MYBL2: variants seen among roughly 807,000 people sequenced by gnomAD.
MYBL2 encodes the protein MYB proto-oncogene like 2.
A neutral mutation model predicts 79.9 loss-of-function variants in MYBL2; 28 were observed. That is an observed-to-expected ratio of 0.35 (90% CI 0.26 to 0.48). The LOEUF (loss-of-function observed/expected upper bound fraction) is 0.48. Among genes scored for constraint, MYBL2 ranks in the 20% least tolerant of loss-of-function variants. MYBL2 has a pLI of 0.99. For synonymous variants in MYBL2, 378 were observed against 361.2 expected, an observed-to-expected ratio of 1.05 and a Z score of -0.53; for missense variants, 735 against 893.9, an observed-to-expected ratio of 0.82 and a Z score of 2.27.
At chr20:43,673,977 T>A in intron 2 of MYBL2, 78 bp downstream of exon 2, 1 of 1,241,012 alleles carries the variant, frequency 8.1e-7, no homozygotes, top group Non-Finnish European at 1.2e-6. Flanking sequence ...GTATTTGATG[T>A]CTCATCAGAT....
chr20:43,713,169 T>C, intron 12 of MYBL2, 63 bp downstream of exon 12: 1 of 1,433,260 alleles, frequency 7.0e-7, no homozygotes, highest in Admixed American at 1.9e-5. Flanking sequence ...GGAGTTAGTG[T>C]AGTGACTCTC....
At position 43,708,495 on chromosome 20, in the gene MYBL2, G is replaced by A. The variant is rs188331885; in HGVS notation, c.1506-1468G>A. On this transcript the variant is annotated intron_variant, in intron 9 of 13. Coordinates refer to ENST00000217026, the MANE Select transcript of MYBL2 (RefSeq NM_002466.4). ...GTCACCCGGGTTGGAGTGCAGTGGTGCAATCATGGCTCACTGCAGCCTTGA... is the reference window on the plus strand; with the variant it reads ...GTCACCCGGGTTGGAGTGCAGTGGTACAATCATGGCTCACTGCAGCCTTGA... Among the ~76,000 whole-genome samples, 189 of 152,170 alleles carry A rather than the reference G, an allele frequency of 1.2e-3. 1 individual carries two copies. Among genetic ancestry groups the A allele is most frequent in the African/African-American group, 4.5e-3 (186 of 41,504 alleles).
At chr20:43,681,413 A>G (rs1354335084) in intron 2 of MYBL2, among the ~76,000 whole-genome samples, 1 of 152,144 alleles carries the variant, frequency 6.6e-6, no homozygotes. Flanking sequence ...TCTGGCCCCT[A>G]TGGTTCCCTC....
At chr20:43,685,078 C>T (rs1381589002) in intron 4 of MYBL2, among the ~76,000 whole-genome samples, 8 of 146,432 alleles carry the variant, frequency 5.5e-5, no homozygotes, top group Non-Finnish European at 1.5e-5. Context: ...AGTGGGGAGG[C>T]GGAGGTTGCA....
At chr20:43,688,230 C>T (rs1164909295) in intron 5 of MYBL2, among the ~76,000 whole-genome samples, 1 of 151,586 alleles carries the variant, frequency 6.6e-6, no homozygotes, top group Non-Finnish European at 1.5e-5. Context: ...AGACCAGAGT[C>T]TCGCTCTGTC....
At position 43,686,871 on chromosome 20, in the gene MYBL2, A is replaced by C; in HGVS notation, c.299A>C (p.Lys100Thr). 1 of 1,614,182 alleles carries C rather than the reference A, an allele frequency of 6.2e-7. No homozygotes were observed. Among genetic ancestry groups the C allele is most frequent in the South Asian group, 1.1e-5 (1 of 91,082 alleles). ...TCTAAGGTCATCGAGCTGGTTAAGA[A>C]GTATGGCACAAAGCAGTGGACACTG... ...EDQKVIELVK[K>T]YGTKQWTLIA... is the part of the protein sequence containing the mutation. Residue 100 changes from lysine (K) to threonine (T), a missense_variant, in exon 5 of 14, where the codon AAG becomes ACG. Physicochemically the swap from Lys to Thr is moderately conservative, Grantham distance 78. This residue lies in a region of MYBL2 where 65 missense variants were observed against 145.2 expected (regional missense o/e 0.45). Coordinates refer to ENST00000217026, the MANE Select transcript of MYBL2 (RefSeq NM_002466.4).
At chr20:43,687,715 T>C (rs992311245) in intron 5 of MYBL2, among the ~76,000 whole-genome samples, 3 of 152,108 alleles carry the variant, frequency 2.0e-5, no homozygotes, top group Non-Finnish European at 2.9e-5. Context: ...ATGATAGTTA[T>C]TAAAATAATA....
chr20:43,688,713 G>C (rs1987336220), intron 5 of MYBL2, among the ~76,000 whole-genome samples: 1 of 152,278 alleles, frequency 6.6e-6, no homozygotes, highest in Middle Eastern at 3.4e-3. Flanking sequence ...AAAGTGCTGG[G>C]ATTACAGGCA....
chr20:43,696,434 T>G (rs1041385744), intron 6 of MYBL2, among the ~76,000 whole-genome samples: 2 of 101,500 alleles, frequency 2.0e-5, no homozygotes, highest in African/African-American at 7.0e-5. Flanking sequence ...TTGGTCAGGC[T>G]GGTCTCAAAC....
At position 43,713,006 on chromosome 20, in the gene MYBL2, G is replaced by A. The variant is rs138907287; in HGVS notation, c.1724G>A (p.Arg575Gln). ...PEKQKRKPGLRRSPIKKVRKS... is the reference protein window; with the variant it reads ...PEKQKRKPGLQRSPIKKVRKS... ...CTTCTATCTGCCAACCCCTAGCTGC[G>A]GCGGAGCCCCATCAAGAAAGTCCGG... is the stretch of plus-strand genomic sequence containing the variant. Residue 575 changes from arginine to glutamine, a missense_variant, in exon 12 of 14, where the codon CGG (arginine) becomes CAG (glutamine). Arg to Gln is a conservative substitution (Grantham distance 43, BLOSUM62 1). Around this residue, in one of 5 missense-constraint regions of MYBL2, gnomAD observed 204 missense variants for 202.9 expected, o/e 1.01. Transcript: ENST00000217026. 500 of 1,609,608 alleles carry A rather than the reference G, an allele frequency of 3.1e-4. No homozygotes were observed. The highest frequency in any genetic ancestry group is 3.9e-4 in the Non-Finnish European group (461 of 1,177,740).
chr20:43,667,127 G>C lies in MYBL2; in HGVS notation c.-157G>C. ...CGCGCCGGCGGCGACTGCAGTTCCT[G>C]CGAGCGAGGAGCGCGGGACCTGCTG... On this transcript the variant is annotated 5_prime_UTR_variant, in exon 1 of 14. Transcript: ENST00000217026. 3.1e-6 allele frequency: 1 copy of C among 321,460 alleles called. No homozygotes were observed. Among genetic ancestry groups the C allele is most frequent in the Non-Finnish European group, 5.2e-6 (1 of 191,266 alleles). The allele number at this position is 321,460 out of a possible 1,614,324, so 19.9% of individuals were successfully genotyped here. A position where few individuals can be genotyped will look rare whatever the true frequency, so the allele number is the denominator to read the frequency against.
Position 43,710,080 on chromosome 20 carries a change from T to C in MYBL2, c.1605+18T>C, listed in dbSNP as rs1350230176. The C allele has an allele frequency of 6.3e-7, 1 of 1,578,454 alleles. No individual in the cohort carries two copies. The highest frequency in any genetic ancestry group is 8.7e-7 in the Non-Finnish European group (1 of 1,155,366). Reference sequence around the variant, plus strand: ...AGCCCCTGGTACGTGGTGTGGTCGCTGCCGTGGATCTCTGCACAGTGGGAT... The same window carrying C: ...AGCCCCTGGTACGTGGTGTGGTCGCCGCCGTGGATCTCTGCACAGTGGGAT... On this transcript the variant is annotated intron_variant, in intron 10 of 13. Transcript: ENST00000217026.
At position 43,669,893 on chromosome 20, in the gene MYBL2, A is replaced by G. The variant is rs189043211; in HGVS notation, c.20+2590A>G. Among the ~76,000 whole-genome samples the G allele has an allele frequency of 1.0e-3, 152 of 152,326 alleles. 1 individual carries two copies. In the East Asian group the frequency reaches 0.011, roughly 11 times the overall value. ...GTAATCCCAGCACTTTGGGAGGCCAAGAGTTCAAGACCAGCTTGACCAATA... is the reference window on the plus strand; with the variant it reads ...GTAATCCCAGCACTTTGGGAGGCCAGGAGTTCAAGACCAGCTTGACCAATA... On this transcript the variant is annotated intron_variant, in intron 1 of 13. Transcript: ENST00000217026.
At chr20:43,703,466 G>A (rs1441322234) in intron 8 of MYBL2, among the ~76,000 whole-genome samples, 2 of 152,204 alleles carry the variant, frequency 1.3e-5, no homozygotes, top group Admixed American at 6.5e-5. Flanking sequence ...CTCGGGAGCC[G>A]GGATGGGTGC....
intron 2 of MYBL2, 84 bp from the exon 3 acceptor site, chr20:43,681,700 C>A: frequency 7.2e-7 from 1 of 1,389,036 alleles, no homozygotes. Flanking sequence ...CGAGGCTGTT[C>A]TTTTAGATTG....
At chr20:43,675,185 G>A (rs1986974910) in intron 2 of MYBL2, among the ~76,000 whole-genome samples, 2 of 152,136 alleles carry the variant, frequency 1.3e-5, no homozygotes, top group South Asian at 4.2e-4. Context: ...TCGCCATGTT[G>A]CCCAGGCTGG....
Position 43,667,179 on chromosome 20 carries a change from C to T in MYBL2, c.-105C>T, listed in dbSNP as rs1274790685. On this transcript the variant is annotated 5_prime_UTR_variant, in exon 1 of 14. Transcript: ENST00000217026. ...CACGCTGACGCCTTCGAGCGCGGCC[C>T]GGGGCCCGGAGCGGCCGGAGCAGCC... The T allele has an allele frequency of 3.9e-6, 3 of 766,352 alleles. No homozygotes were observed. The highest frequency in any genetic ancestry group is 6.3e-5 in the South Asian group (1 of 15,868). The allele number at this position is 766,352 out of a possible 1,614,324, so 47.5% of individuals were successfully genotyped here.
chr20:43,667,381 T>G, intron 1 of MYBL2, 78 bp downstream of exon 1: 1 of 859,064 alleles, frequency 1.2e-6, no homozygotes, highest in Non-Finnish European at 1.4e-6. Flanking sequence ...CCCCCGACCC[T>G]CCCCAGGCTC....
chr20:43,676,017 A>T (rs962185717), intron 2 of MYBL2, among the ~76,000 whole-genome samples: 6 of 150,092 alleles, frequency 4.0e-5, no homozygotes, highest in African/African-American at 1.5e-4. Flanking sequence ...CGATTCTCCT[A>T]CCTCAGCCTC....
Sources: allele counts gnomAD v4.1 joint callset (sites outside exome capture counted in the v4.1 genomes callset), GRCh38; gene constraint gnomAD v4.1.1; regional missense constraint gnomAD v4.1.1; transcripts MANE v1.5; gene names NCBI Gene and HGNC (gene_info 2026-07-23, HGNC 2026-07-21).